Variants in CNTNAP2 observed in about 807,000 individuals in gnomAD.
CNTNAP2 encodes contactin associated protein 2, also known as contactin-associated protein-like 2.
CNTNAP2 carries 98 observed loss-of-function variants against 155.2 expected under a neutral mutation model. That is an observed-to-expected ratio of 0.63 (90% confidence interval 0.54 to 0.75). The LOEUF is 0.75. Ranked by LOEUF, CNTNAP2 falls within the 30% of genes least tolerant of loss-of-function variation. The pLI is 0.00. For missense variants in CNTNAP2, 1,727 were observed against 1,688.1 expected, an observed-to-expected ratio of 1.02 and a Z score of -0.40; for synonymous variants, 651 against 631.2, an observed-to-expected ratio of 1.03 and a Z score of -0.47.
At chr7:147,722,451 G>T (rs1212238318) in intron 13 of CNTNAP2, among the ~76,000 whole-genome samples, 1 of 151,976 alleles carries the variant, frequency 6.6e-6, no homozygotes, top group Non-Finnish European at 1.5e-5. Context: ...ATATTTCTGG[G>T]GTTCGACCAC....
At chr7:147,812,063 A>G (rs1293084931) in intron 13 of CNTNAP2, among the ~76,000 whole-genome samples, 1 of 152,188 alleles carries the variant, frequency 6.6e-6, no homozygotes, top group African/African-American at 2.4e-5. Flanking sequence ...ATAATTTTAA[A>G]TAGAGTTGTG....
intron 2 of CNTNAP2, among the ~76,000 whole-genome samples, chr7:146,832,947 C>T (rs910350036): frequency 2.6e-5 from 4 of 152,048 alleles, no homozygotes; most frequent in Non-Finnish European, 4.4e-5. Flanking sequence ...CCACCCGCCT[C>T]GGCCTCCCAA....
chr7:146,456,577 T>G (rs575172410), intron 1 of CNTNAP2, among the ~76,000 whole-genome samples: 18 of 152,280 alleles, frequency 1.2e-4, no homozygotes, highest in African/African-American at 3.9e-4. Context: ...TTCCTCAAAA[T>G]CTGAGATTCT....
intron 10 of CNTNAP2, among the ~76,000 whole-genome samples, chr7:147,406,522 C>T (rs1563192540): frequency 6.6e-6 from 1 of 151,926 alleles, no homozygotes; most frequent in Non-Finnish European, 1.5e-5. Flanking sequence ...CTATACTGCC[C>T]AAAAACTAGT....
At chr7:147,120,471 C>G (rs932273989) in intron 5 of CNTNAP2, among the ~76,000 whole-genome samples, 1 of 152,108 alleles carries the variant, frequency 6.6e-6, no homozygotes. Context: ...AACAAACCTA[C>G]CAAAATTTAG....
chr7:147,396,698 C>T (rs915567507), intron 10 of CNTNAP2, among the ~76,000 whole-genome samples: 9 of 151,900 alleles, frequency 5.9e-5, no homozygotes, highest in African/African-American at 2.2e-4. Context: ...TTTTGAGATG[C>T]TTTGTCTGTA....
At chr7:147,560,168 CAAAAAAAA>C (rs71183016) in intron 11 of CNTNAP2, among the ~76,000 whole-genome samples, 4 of 52,822 alleles carry the variant, frequency 7.6e-5, no homozygotes, top group East Asian at 9.6e-4. Flanking sequence ...AACTCCGTCT[CAAAAAAAA>C]AAAAAAAAAA....
chr7:147,231,833 A>G (rs905630646), intron 8 of CNTNAP2, among the ~76,000 whole-genome samples: 5 of 152,184 alleles, frequency 3.3e-5, no homozygotes, highest in African/African-American at 4.8e-5. Flanking sequence ...TTAACTCCTC[A>G]TCAGATATAA....
intron 13 of CNTNAP2, among the ~76,000 whole-genome samples, chr7:147,720,524 G>T (rs972270764): frequency 1.3e-5 from 2 of 152,084 alleles, no homozygotes; most frequent in African/African-American, 4.8e-5. Context: ...GTTAGGCTTT[G>T]TGTCCCCACA....
At chr7:146,145,123 A>G (rs1243142638) in intron 1 of CNTNAP2, among the ~76,000 whole-genome samples, 1 of 152,208 alleles carries the variant, frequency 6.6e-6, no homozygotes. Flanking sequence ...GACATTCAGA[A>G]ACTCATCTTT....
chr7:148,342,053 TTTC>T (rs1228130059), intron 21 of CNTNAP2, among the ~76,000 whole-genome samples: 2 of 152,218 alleles, frequency 1.3e-5, no homozygotes. Context: ...ATGTCTTTAA[TTTC>T]TTCTTGTCAG....
At chr7:148,383,073 G>C (rs1201928647) in intron 21 of CNTNAP2, among the ~76,000 whole-genome samples, 1 of 152,106 alleles carries the variant, frequency 6.6e-6, no homozygotes, top group East Asian at 1.9e-4. Context: ...AAAGTTTCCT[G>C]ACTGCCAAAA....
chr7:148,140,438 T>TTTTGG (rs1805040420), intron 16 of CNTNAP2, among the ~76,000 whole-genome samples: 1 of 150,156 alleles, frequency 6.7e-6, no homozygotes, highest in African/African-American at 2.5e-5. Flanking sequence ...TTTTTTTTTT[T>TTTTGG]GAGACAGAGT....
chr7:146,882,252 A>G (rs1240383901), intron 3 of CNTNAP2, among the ~76,000 whole-genome samples: 1 of 152,078 alleles, frequency 6.6e-6, no homozygotes, highest in Non-Finnish European at 1.5e-5. Context: ...TGCTATGGTG[A>G]ATAGTGCTGT....
intron 3 of CNTNAP2, chr7:146,962,965 AG>A (rs1459535825): frequency 6.6e-6 from 1 of 152,256 alleles, no homozygotes; most frequent in African/African-American, 2.4e-5. Context: ...GAAGGAAAAC[AG>A]GCCTATTCCT....
intron 3 of CNTNAP2, among the ~76,000 whole-genome samples, chr7:146,940,346 G>A (rs936673841): frequency 6.6e-6 from 1 of 151,954 alleles, no homozygotes; most frequent in East Asian, 1.9e-4. Flanking sequence ...ACAGTCGCCC[G>A]CCACCACGTC....
chr7:148,155,563 G>A (rs916703238), intron 17 of CNTNAP2, among the ~76,000 whole-genome samples: 4 of 152,238 alleles, frequency 2.6e-5, no homozygotes, highest in South Asian at 2.1e-4. Context: ...CCACCCTCCC[G>A]TGGAGGGGAG....
intron 1 of CNTNAP2, among the ~76,000 whole-genome samples, chr7:146,337,930 T>A (rs976260425): frequency 3.9e-5 from 6 of 152,318 alleles, no homozygotes; most frequent in Admixed American, 3.9e-4. Context: ...ATTTGATCCT[T>A]GAAAATAGAA....
chr7:147,573,909 C>A (rs540537633), intron 12 of CNTNAP2, among the ~76,000 whole-genome samples: 1 of 152,244 alleles, frequency 6.6e-6, no homozygotes, highest in East Asian at 1.9e-4. Flanking sequence ...TTAGTACAAC[C>A]TACTTCTTCT....
Sources: gnomAD v4.1 joint callset for allele counts (sites outside exome capture counted in the v4.1 genomes callset) on GRCh38, gnomAD v4.1.1 for gene constraint, MANE v1.5 for transcripts, NCBI Gene and HGNC (gene_info 2026-07-23, HGNC 2026-07-21) for gene names.